NECTIN3: variants seen among roughly 807,000 people sequenced by gnomAD.
NECTIN3 encodes nectin cell adhesion molecule 3, also known as nectin-3.
A neutral mutation model predicts 49.4 loss-of-function variants in NECTIN3; 8 were observed. The observed-to-expected ratio is 0.16, with a 90% CI of 0.10 to 0.29. NECTIN3 has a LOEUF of 0.29. Ranked by LOEUF, NECTIN3 falls within the 10% of genes least tolerant of loss-of-function variation. The probability of loss-of-function intolerance (pLI) is 1.00; values close to 1 mark genes in which losing one functional copy is unlikely to be tolerated. For synonymous variants in NECTIN3, 277 were observed against 241.1 expected (o/e 1.15, Z -1.38); for missense variants, 581 against 654.6 (o/e 0.89, Z 1.23).
downstream of NECTIN3, among the ~76,000 whole-genome samples, chr3:111,137,769 C>CTTTTTTTT (rs3081495): frequency 5.0e-5 from 5 of 100,028 alleles, no homozygotes; most frequent in Non-Finnish European, 8.7e-5. Context: ...AAATTTTTTC[C>CTTTTTTTT]TTTTTTTTTT....
upstream of NECTIN3, chr3:111,192,271 C>T (rs2035825867): frequency 7.8e-7 from 1 of 1,284,708 alleles, no homozygotes; most frequent in Admixed American, 2.1e-5. Flanking sequence ...ATGATTGGCT[C>T]TTTTAAAAAT....
chr3:111,078,130 A>C (rs2031349017), intron 1 of NECTIN3, among the ~76,000 whole-genome samples: 1 of 152,156 alleles, frequency 6.6e-6, no homozygotes, highest in Non-Finnish European at 1.5e-5. Context: ...CTTTGTATTC[A>C]AGTGTGATGT....
chr3:111,097,701 A>G (rs2032670953), intron 1 of NECTIN3, among the ~76,000 whole-genome samples: 1 of 152,182 alleles, frequency 6.6e-6, no homozygotes, highest in South Asian at 2.1e-4. Flanking sequence ...GCCTGCTACC[A>G]TCCATGTAAG....
intron 1 of NECTIN3, among the ~76,000 whole-genome samples, chr3:111,098,771 A>AT (rs535582053): frequency 1.3e-3 from 197 of 151,752 alleles, no homozygotes; most frequent in Non-Finnish European, 2.3e-3. Context: ...ACTCTTGTTA[A>AT]TTTTTTGACT....
chr3:111,107,471 C>G (rs1464844233), intron 1 of NECTIN3, among the ~76,000 whole-genome samples: 1 of 152,078 alleles, frequency 6.6e-6, no homozygotes, highest in Non-Finnish European at 1.5e-5. Context: ...TCCTACGTGT[C>G]TAGAGTGTGC....
At chr3:111,179,273 C>G (rs1157294690) in intron 7 of NECTIN3, among the ~76,000 whole-genome samples, 1 of 152,174 alleles carries the variant, frequency 6.6e-6, no homozygotes, top group Admixed American at 6.5e-5. Flanking sequence ...TGAACCATCT[C>G]AGACCTATCC....
At chr3:111,187,797 G>A (rs2035748199), upstream of NECTIN3, among the ~76,000 whole-genome samples, 2 of 152,174 alleles carry the variant, frequency 1.3e-5, no homozygotes, top group South Asian at 4.1e-4. Flanking sequence ...GGGTGGCTAG[G>A]GAGGATGGTG....
chr3:111,155,078 C>G (rs1468301213), intron 7 of NECTIN3, among the ~76,000 whole-genome samples: 1 of 152,126 alleles, frequency 6.6e-6, no homozygotes, highest in Non-Finnish European at 1.5e-5. Context: ...GCTGGGACTA[C>G]AGGTGCGCAC....
At chr3:111,165,920 CTCATTCT>C (rs1005647318) in intron 7 of NECTIN3, among the ~76,000 whole-genome samples, 1 of 152,140 alleles carries the variant, frequency 6.6e-6, no homozygotes, top group Non-Finnish European at 1.5e-5. Context: ...GTAACCTAAA[CTCATTCT>C]TCAAAAAAGT....
At chr3:111,103,984 G>A (rs1221266596) in intron 1 of NECTIN3, among the ~76,000 whole-genome samples, 1 of 152,168 alleles carries the variant, frequency 6.6e-6, no homozygotes, top group African/African-American at 2.4e-5. Flanking sequence ...GTATGCAAGT[G>A]TACAAGTCTT....
At chr3:111,123,715 T>C (rs1030148685) in intron 4 of NECTIN3, among the ~76,000 whole-genome samples, 10 of 152,158 alleles carry the variant, frequency 6.6e-5, no homozygotes, top group African/African-American at 2.2e-4. Flanking sequence ...AATTTTTTTT[T>C]GGATTCTTTG....
intron 1 of NECTIN3, among the ~76,000 whole-genome samples, chr3:111,193,942 C>T (rs994532861): frequency 6.6e-6 from 1 of 152,164 alleles, no homozygotes; most frequent in Non-Finnish European, 1.5e-5. Context: ...CAGTTGAAAC[C>T]TTCAAGCCTG....
At chr3:111,089,928 G>A (rs1452381215) in intron 1 of NECTIN3, among the ~76,000 whole-genome samples, 1 of 152,002 alleles carries the variant, frequency 6.6e-6, no homozygotes, top group Non-Finnish European at 1.5e-5. Flanking sequence ...GTGCATATTA[G>A]GTTATGAGGT....
Position 111,118,248 on chromosome 3 carries a change from CTATATATATATATATATATA to C in NECTIN3, c.503-392_503-373del, listed in dbSNP as rs34878535. Among the ~76,000 whole-genome samples, 85 of 78,000 alleles carry C rather than the reference CTATATATATATATATATATA, an allele frequency of 1.1e-3. 1 individual carries two copies. The highest frequency in any genetic ancestry group is 1.3e-3 in the Non-Finnish European group (52 of 38,792). The allele number at this position is 78,000 out of a possible 152,430, so 51.2% of individuals were successfully genotyped here. On this transcript the variant is annotated intron_variant, in intron 2 of 5. Coordinates refer to ENST00000485303, the MANE Select transcript of NECTIN3 (RefSeq NM_015480.3). ...AAAATTTTTTTACTGTAAAATGAAG[CTATATATATATATATATATA>C]TATATATATATATATTATACATATA...
At position 111,111,016 on chromosome 3, in the gene NECTIN3, G is replaced by A. The variant is rs188245286; in HGVS notation, c.161-1014G>A. Among the ~76,000 whole-genome samples, 25 of 152,084 alleles carry A rather than the reference G, an allele frequency of 1.6e-4. No individual in the cohort carries two copies. In the East Asian group the frequency reaches 4.8e-3, roughly 29 times the overall value. ...TGTATTCATTTAAAAATATTAATTA[G>A]ATGTAACTTTTAAAGGTATTGTTTA... On this transcript the variant is annotated intron_variant, in intron 1 of 5. Transcript: ENST00000485303.
At chr3:111,162,007 C>T (rs961271699) in intron 7 of NECTIN3, among the ~76,000 whole-genome samples, 4 of 152,126 alleles carry the variant, frequency 2.6e-5, no homozygotes, top group Non-Finnish European at 4.4e-5. Flanking sequence ...CTTAGCAGAT[C>T]TGTATACACA....
intron 1 of NECTIN3, among the ~76,000 whole-genome samples, chr3:111,111,391 A>G (rs2033453589): frequency 6.6e-6 from 1 of 152,104 alleles, no homozygotes; most frequent in African/African-American, 2.4e-5. Context: ...CTTCATTAAC[A>G]TTTTCTGACA....
intron 5 of NECTIN3, among the ~76,000 whole-genome samples, chr3:111,144,169 A>G (rs1341229166): frequency 2.0e-5 from 3 of 152,048 alleles, no homozygotes; most frequent in African/African-American, 7.2e-5. Flanking sequence ...TGAAATGCTA[A>G]CAGCCAAATA....
At chr3:111,116,875 G>A (rs947383455) in intron 2 of NECTIN3, among the ~76,000 whole-genome samples, 1 of 152,058 alleles carries the variant, frequency 6.6e-6, no homozygotes, top group Admixed American at 6.6e-5. Flanking sequence ...CAGCTGGTGA[G>A]TATATGGACC....
Sources: allele counts gnomAD v4.1 joint callset (sites outside exome capture counted in the v4.1 genomes callset), GRCh38; gene constraint gnomAD v4.1.1; transcripts MANE v1.5; gene names NCBI Gene and HGNC (gene_info 2026-07-23, HGNC 2026-07-21).